ZNF892: variants seen among roughly 807,000 people sequenced by gnomAD.
ZNF892 encodes the protein zinc finger protein 892.
At chr2:95,238,488 A>T in the ZNF892 span, among the ~76,000 whole-genome samples, 1 of 152,224 alleles carries the variant, frequency 6.6e-6, no homozygotes, top group Non-Finnish European at 1.5e-5. Flanking sequence ...ATGCACAAGG[A>T]GATTAATATT....
chr2:95,216,965 A>C, the ZNF892 span, among the ~76,000 whole-genome samples: 1 of 152,190 alleles, frequency 6.6e-6, no homozygotes, highest in African/African-American at 2.4e-5. Flanking sequence ...TCAATCTGCC[A>C]TAACAAGATA....
chr2:95,256,398 C>T, the ZNF892 span, among the ~76,000 whole-genome samples: 1 of 152,162 alleles, frequency 6.6e-6, no homozygotes, highest in Non-Finnish European at 1.5e-5. Flanking sequence ...TGAATATTGG[C>T]CCCCACTCTT....
chr2:95,245,720 C>G, the ZNF892 span, among the ~76,000 whole-genome samples: 1 of 151,894 alleles, frequency 6.6e-6, no homozygotes, highest in South Asian at 2.1e-4. Context: ...AAACAACGAT[C>G]AAGAATACTT....
At chr2:95,212,399 C>G in the ZNF892 span, 1 of 396,572 alleles carries the variant, frequency 2.5e-6, no homozygotes, top group African/African-American at 2.1e-5. Context: ...TGTCTCACCC[C>G]TATGCCACAT....
the ZNF892 span, among the ~76,000 whole-genome samples, chr2:95,229,717 T>C: frequency 2.0e-5 from 3 of 152,180 alleles, no homozygotes; most frequent in Non-Finnish European, 2.9e-5. Context: ...GATAATTGAA[T>C]TGTTTCCAGT....
At chr2:95,244,273 C>G in the ZNF892 span, among the ~76,000 whole-genome samples, 3 of 149,744 alleles carry the variant, frequency 2.0e-5, no homozygotes, top group African/African-American at 7.4e-5. Flanking sequence ...TGCTGACCTT[C>G]CCTCCACTAT....
chr2:95,218,624 C>G, the ZNF892 span, among the ~76,000 whole-genome samples: 1 of 152,164 alleles, frequency 6.6e-6, no homozygotes. Flanking sequence ...CAGCAGCATC[C>G]CCCTTCTGGG....
the ZNF892 span, among the ~76,000 whole-genome samples, chr2:95,263,119 G>A: frequency 2.0e-5 from 3 of 152,216 alleles, no homozygotes; most frequent in Non-Finnish European, 4.4e-5. Context: ...AGATGAGTCA[G>A]TCAGAGAGAT....
At chr2:95,227,860 C>CT in the ZNF892 span, among the ~76,000 whole-genome samples, 2 of 152,160 alleles carry the variant, frequency 1.3e-5, no homozygotes, top group African/African-American at 2.4e-5. Flanking sequence ...TCAAGCCATC[C>CT]TGCCAAAGTG....
At chr2:95,215,362 A>C in the ZNF892 span, 3 of 459,902 alleles carry the variant, frequency 6.5e-6, no homozygotes, top group Admixed American at 1.1e-4. Context: ...ACTGGAGAGA[A>C]ACCTTACAAA....
chr2:95,223,611 G>T, the ZNF892 span, among the ~76,000 whole-genome samples: 1 of 152,126 alleles, frequency 6.6e-6, no homozygotes, highest in Admixed American at 6.5e-5. Flanking sequence ...ATGTTGGCCA[G>T]GCTGGTCTTG....
chr2:95,213,312 T>A, the ZNF892 span, among the ~76,000 whole-genome samples: 1 of 152,208 alleles, frequency 6.6e-6, no homozygotes, highest in South Asian at 2.1e-4. Context: ...TACCTATTTG[T>A]CCTTTAAAAT....
At chr2:95,216,112 G>A in the ZNF892 span, among the ~76,000 whole-genome samples, 1 of 152,138 alleles carries the variant, frequency 6.6e-6, no homozygotes, top group African/African-American at 2.4e-5. Context: ...TAGAAAAAAA[G>A]AGCTAGGGGA....
chr2:95,233,672 C>CAAAAAAAAAA, the ZNF892 span, among the ~76,000 whole-genome samples: 2 of 35,174 alleles, frequency 5.7e-5, no homozygotes, highest in Non-Finnish European at 9.3e-5. Context: ...GACTCCATCT[C>CAAAAAAAAAA]AAAAAAAAAA....
the ZNF892 span, chr2:95,214,585 T>G: frequency 2.5e-6 from 1 of 398,926 alleles, no homozygotes. Flanking sequence ...AGGTCCTTAC[T>G]TGTTCAGCAG....
the ZNF892 span, among the ~76,000 whole-genome samples, chr2:95,213,852 TAGGAAAAGATTGGTGGCA>T: frequency 1.3e-5 from 2 of 152,072 alleles, no homozygotes; most frequent in African/African-American, 2.4e-5. Flanking sequence ...CATATTGGAG[TAGGAAAAGATTGGTGGCA>T]AGGAGATTAG....
At chr2:95,244,824 A>G in the ZNF892 span, among the ~76,000 whole-genome samples, 6 of 152,238 alleles carry the variant, frequency 3.9e-5, no homozygotes, top group Non-Finnish European at 8.8e-5. Context: ...AAGGACTGAA[A>G]TAATAACAAA....
At chr2:95,258,358 G>A in the ZNF892 span, among the ~76,000 whole-genome samples, 1 of 152,210 alleles carries the variant, frequency 6.6e-6, no homozygotes, top group Non-Finnish European at 1.5e-5. Flanking sequence ...GAGTTGGATG[G>A]CACAATCTAA....
the ZNF892 span, among the ~76,000 whole-genome samples, chr2:95,243,114 G>T: frequency 1.3e-5 from 2 of 152,220 alleles, no homozygotes; most frequent in Non-Finnish European, 2.9e-5. Context: ...GGCCTCCTGA[G>T]GTGCCAGGAT....
Sources: gnomAD v4.1 joint callset for allele counts (sites outside exome capture counted in the v4.1 genomes callset) on GRCh38, gnomAD v4.1.1 for gene constraint, MANE v1.5 for transcripts, NCBI Gene and HGNC (gene_info 2026-07-23, HGNC 2026-07-21) for gene names.